Variants in LOC122539214 observed in about 807,000 individuals in gnomAD.
the LOC122539214 span, among the ~76,000 whole-genome samples, chr19:52,680,722 C>T: frequency 2.0e-3 from 283 of 140,496 alleles, 4 homozygotes; most frequent in Non-Finnish European, 1.8e-3. Context: ...ACGCCATTCT[C>T]CTGCCTCAGC....
chr19:52,668,279 A>AG, the LOC122539214 span, among the ~76,000 whole-genome samples: 1 of 152,114 alleles, frequency 6.6e-6, no homozygotes, highest in Non-Finnish European at 1.5e-5. Context: ...GCAGAAAGGG[A>AG]GGGACACATC....
the LOC122539214 span, among the ~76,000 whole-genome samples, chr19:52,680,446 CA>C: frequency 1.3e-5 from 2 of 151,960 alleles, no homozygotes; most frequent in African/African-American, 4.8e-5. Flanking sequence ...CACATTTCCA[CA>C]AAACATCATG....
chr19:52,653,950 G>T, the LOC122539214 span: 1 of 1,212,724 alleles, frequency 8.2e-7, no homozygotes, highest in Non-Finnish European at 1.2e-6. Flanking sequence ...CAATAATGAA[G>T]AATGGAGAAA....
chr19:52,674,789 T>C, the LOC122539214 span, among the ~76,000 whole-genome samples: 2 of 152,352 alleles, frequency 1.3e-5, no homozygotes, highest in African/African-American at 2.4e-5. Context: ...CCAATATTGA[T>C]AGATTGGAAA....
the LOC122539214 span, chr19:52,653,171 T>G: frequency 1.3e-6 from 2 of 1,497,358 alleles, no homozygotes; most frequent in African/African-American, 2.8e-5. Context: ...GTATGAAGTC[T>G]ACGATGGCCC....
At chr19:52,651,140 A>G in the LOC122539214 span, 27,831 of 152,204 alleles carry the variant, frequency 0.18, 2,673 homozygotes, top group Middle Eastern at 0.24. Context: ...CAAGCCATTA[A>G]TCAAACTGTT....
the LOC122539214 span, among the ~76,000 whole-genome samples, chr19:52,676,565 G>A: frequency 2.6e-5 from 4 of 151,770 alleles, no homozygotes; most frequent in East Asian, 1.9e-4. Context: ...GCCTCTGCCC[G>A]GCCGCCCCTA....
the LOC122539214 span, chr19:52,674,089 C>T: frequency 4.0e-5 from 6 of 151,140 alleles, no homozygotes; most frequent in Non-Finnish European, 8.8e-5. Context: ...CACACTCACA[C>T]AGACACAACC....
chr19:52,669,933 T>C, the LOC122539214 span, among the ~76,000 whole-genome samples: 1 of 152,196 alleles, frequency 6.6e-6, no homozygotes, highest in Non-Finnish European at 1.5e-5. Context: ...GTTAAAGAAG[T>C]TTGAAGAGAA....
chr19:52,683,772 A>G, the LOC122539214 span, among the ~76,000 whole-genome samples: 1 of 152,142 alleles, frequency 6.6e-6, no homozygotes, highest in Non-Finnish European at 1.5e-5. Context: ...AATTTCCAGA[A>G]GAAATGTGGG....
the LOC122539214 span, chr19:52,653,160 G>A: frequency 2.6e-5 from 37 of 1,434,150 alleles, no homozygotes; most frequent in African/African-American, 1.2e-4. Flanking sequence ...GTTTTTCTCC[G>A]GTATGAAGTC....
the LOC122539214 span, chr19:52,655,589 C>T: frequency 6.6e-7 from 1 of 1,504,182 alleles, no homozygotes; most frequent in African/African-American, 1.4e-5. Flanking sequence ...TGTAGTTCTC[C>T]AACATCACGG....
the LOC122539214 span, among the ~76,000 whole-genome samples, chr19:52,687,637 A>ATATATATATATATAATG: frequency 5.8e-5 from 1 of 17,346 alleles, no homozygotes; most frequent in East Asian, 7.1e-4. Flanking sequence ...TATAATGTAT[A>ATATATATATATATAATG]TATATATATA....
the LOC122539214 span, among the ~76,000 whole-genome samples, chr19:52,676,965 A>C: frequency 6.9e-6 from 1 of 143,914 alleles, no homozygotes; most frequent in Admixed American, 7.1e-5. Flanking sequence ...CCCTAATCTC[A>C]AGTAATCAGG....
At chr19:52,687,586 A>ATATATAATG in the LOC122539214 span, among the ~76,000 whole-genome samples, 1 of 39,300 alleles carries the variant, frequency 2.5e-5, no homozygotes, top group African/African-American at 2.7e-4. Context: ...TTTTATATAT[A>ATATATAATG]TATATATATA....
chr19:52,667,402 AAG>A, the LOC122539214 span, among the ~76,000 whole-genome samples: 1 of 152,144 alleles, frequency 6.6e-6, no homozygotes, highest in African/African-American at 2.4e-5. Context: ...GAAAAGTTAT[AAG>A]AGGGAATTTA....
chr19:52,686,409 G>T, the LOC122539214 span, among the ~76,000 whole-genome samples: 1 of 146,570 alleles, frequency 6.8e-6, no homozygotes, highest in East Asian at 2.0e-4. Context: ...TATTAAAAAA[G>T]ATACTCTTAA....
the LOC122539214 span, among the ~76,000 whole-genome samples, chr19:52,658,156 A>C: frequency 0.08 from 11,939 of 149,422 alleles, 538 homozygotes; most frequent in Middle Eastern, 0.11. Flanking sequence ...AAAAAAAAGT[A>C]GTGAATAGGA....
chr19:52,667,300 T>TA, the LOC122539214 span, among the ~76,000 whole-genome samples: 1 of 149,510 alleles, frequency 6.7e-6, no homozygotes, highest in African/African-American at 2.5e-5. Flanking sequence ...TGTCCTAAAA[T>TA]AAATCAAATG....
Sources: gnomAD v4.1 joint callset for allele counts (sites outside exome capture counted in the v4.1 genomes callset) on GRCh38, gnomAD v4.1.1 for gene constraint, MANE v1.5 for transcripts.